TRMT10A: variants seen among roughly 807,000 people sequenced by gnomAD.
TRMT10A encodes tRNA methyltransferase 10 homolog A.
TRMT10A carries 37 observed loss-of-function variants against 40.4 expected under a neutral mutation model. The observed-to-expected ratio is 0.92, with a 90% CI of 0.71 to 1.21. The LOEUF (loss-of-function observed/expected upper bound fraction) is 1.21. TRMT10A is among the 50% of genes most tolerant of loss of function. The pLI is 0.00. For synonymous variants in TRMT10A, 103 were observed against 134.1 expected, an observed-to-expected ratio of 0.77 and a Z score of 1.60; for missense variants, 388 against 404.3, an observed-to-expected ratio of 0.96 and a Z score of 0.35.
In TRMT10A at chr4:99,546,842, C is replaced by T. The variant is rs1042563285; in HGVS notation, c.*2246G>A. The T allele has an allele frequency of 6.6e-6, 1 of 152,014 alleles. No individual in the cohort carries two copies. Among genetic ancestry groups the T allele is most frequent in the African/African-American group, 2.4e-5 (1 of 41,388 alleles). 9.4% of individuals were successfully genotyped at this position (152,014 alleles called of 1,614,324 possible). On this transcript the variant is annotated 3_prime_UTR_variant, in exon 8 of 8. Transcript: ENST00000394876. ...AAAACAATGTTGAGAGAAAAGTATA[C>T]ATGCAAATGAGCAAAAAGCTTAATA...
intron 1 of TRMT10A, among the ~76,000 whole-genome samples, chr4:99,562,031 C>T (rs567705806): frequency 2.7e-4 from 41 of 151,848 alleles, no homozygotes; most frequent in Non-Finnish European, 4.9e-4. Context: ...ATTAGCCAGG[C>T]GTGGTAGTGG....
chr4:99,556,538 C>CTT (rs67490132), intron 4 of TRMT10A, among the ~76,000 whole-genome samples: 4 of 151,766 alleles, frequency 2.6e-5, no homozygotes, highest in African/African-American at 4.8e-5. Context: ...TCCCACTCCT[C>CTT]TTTTTTTTAA....
rs747022504 is a variant in TRMT10A, at chr4:99,558,043, T to C, written c.348+6A>G. ...ACAAGATTTTTCTGACAATGATTCA[T>C]GATACCTTTAATACCATCAAGTGAT... On this transcript the variant is annotated splice_donor_region_variant and intron_variant, in intron 3 of 7. Transcript: ENST00000394876. 13 of 1,548,116 alleles carry C rather than the reference T, an allele frequency of 8.4e-6. No homozygotes were observed. The African/African-American group carries it at 1.6e-4, about 19-fold the overall frequency.
rs1724289555 is a variant in TRMT10A, at chr4:99,559,292, T to G, written c.47A>C (p.Asp16Ala). Residue 16 changes from aspartate (D) to alanine (A), a missense_variant, in exon 2 of 8, where the codon GAC (aspartate) becomes GCC (alanine). Coordinates refer to ENST00000394876, the MANE Select transcript of TRMT10A (RefSeq NM_001134665.3). ...LPAFIETSNV[D>A]KKQGINEDQE... ...ATCTTCATTTATGCCTTGCTTTTTGTCAACATTAGAAGTTTCAATAAATGC... is the reference window on the plus strand; with the variant it reads ...ATCTTCATTTATGCCTTGCTTTTTGGCAACATTAGAAGTTTCAATAAATGC... The G allele has an allele frequency of 1.2e-6, 2 of 1,613,252 alleles. No homozygotes were observed.
At chr4:99,560,207 T>G (rs574125819) in intron 1 of TRMT10A, among the ~76,000 whole-genome samples, 1 of 152,082 alleles carries the variant, frequency 6.6e-6, no homozygotes, top group East Asian at 1.9e-4. Flanking sequence ...TAAAATAAAT[T>G]TGGCTGAAAT....
rs1724286797 is a variant in TRMT10A at position 99,559,239 on chromosome 4, C to G, written c.100G>C (p.Gly34Arg). 6.2e-7 allele frequency: 1 copy of G among 1,613,564 alleles called. No individual in the cohort carries two copies. The highest frequency in any genetic ancestry group is 1.3e-5 in the African/African-American group (1 of 74,908). The change falls in exon 2 of 8, where the codon GGT (glycine) becomes CGT (arginine). Residue 34 changes from glycine (G) to arginine (R), a missense_variant. Transcript: ENST00000394876. ...TTAGATATTGGTTCACACCCTTCAC[C>G]TAATCTTGGCTTCTGGCTCTCCTCT... ...DQEESQKPRL[G>R]EGCEPISKRQ...
chr4:99,557,664 C>T (rs181865429), intron 3 of TRMT10A: 16 of 426,234 alleles, frequency 3.8e-5, no homozygotes, highest in Admixed American at 2.0e-4. Context: ...TTCATGAAAA[C>T]GGCTACTCTC....
At chr4:99,551,849 T>C (rs957373383) in intron 6 of TRMT10A, among the ~76,000 whole-genome samples, 3 of 151,992 alleles carry the variant, frequency 2.0e-5, no homozygotes, top group Middle Eastern at 6.8e-3. Flanking sequence ...TGACTCTATG[T>C]AGGCCTAGGC....
At position 99,549,058 on chromosome 4, in the gene TRMT10A, T is replaced by G; in HGVS notation, c.*30A>C. The G allele has an allele frequency of 6.2e-7, 1 of 1,605,038 alleles. No homozygotes were observed. The highest frequency in any genetic ancestry group is 8.5e-7 in the Non-Finnish European group (1 of 1,173,472). On this transcript the variant is annotated 3_prime_UTR_variant, in exon 8 of 8. Transcript: ENST00000394876. ...ATAGCACCTCACTTTCTCCTAATTT[T>G]TCCTTAAACTAAAAGGAAACCAGGT...
chr4:99,551,080 GTTCAGAGAATT>G, intron 6 of TRMT10A, 90 bp from the exon 7 acceptor site: 1 of 525,888 alleles, frequency 1.9e-6, no homozygotes, highest in South Asian at 4.0e-5. Flanking sequence ...AAGATTTATA[GTTCAGAGAATT>G]TATAGTTCAG....
chr4:99,561,783 T>A (rs1255327934), intron 1 of TRMT10A, among the ~76,000 whole-genome samples: 1 of 152,058 alleles, frequency 6.6e-6, no homozygotes, highest in East Asian at 1.9e-4. Context: ...CATGGCAGAG[T>A]TTTTCATTCC....
chr4:99,549,337 T>A lies in TRMT10A; in HGVS notation c.771A>T (p.Glu257Asp). ...CTTGCCAGTCTCTTGTTTCCAGGTA[T>A]TCCAGAATAATTTCAAACACTGCAA... ...AVNHVFEIILEYLETRDWQEA... is the reference protein window; with the variant it reads ...AVNHVFEIILDYLETRDWQEA... Residue 257 changes from glutamate to aspartate, a missense_variant, in exon 8 of 8, where the codon GAA becomes GAT. By Grantham distance (45) the Glu-to-Asp change is conservative. Transcript: ENST00000394876. 1 of 1,614,060 alleles carries A rather than the reference T, an allele frequency of 6.2e-7. No individual in the cohort carries two copies.
intron 1 of TRMT10A, among the ~76,000 whole-genome samples, chr4:99,560,904 C>T (rs910029541): frequency 6.6e-6 from 1 of 151,340 alleles, no homozygotes; most frequent in South Asian, 2.1e-4. Flanking sequence ...TCAGTTAGTT[C>T]TCTATTTTAT....
chr4:99,551,014 C>T (rs773745686), intron 6 of TRMT10A, 24 bp from the exon 7 acceptor site: 14 of 1,478,874 alleles, frequency 9.5e-6, no homozygotes, highest in African/African-American at 1.4e-5. Context: ...ACTATGACTT[C>T]GACAAGAACA....
Position 99,550,929 on chromosome 4 carries a change from T to C in TRMT10A, c.707A>G (p.Asn236Ser). 6.2e-7 allele frequency: 1 copy of C among 1,613,378 alleles called. No homozygotes were observed. The highest frequency in any genetic ancestry group is 1.1e-5 in the South Asian group (1 of 91,014). The change falls in exon 7 of 8, where the codon AAT becomes AGT. Residue 236 changes from asparagine (N) to serine (S), a missense_variant. By Grantham distance (46) the Asn-to-Ser change is conservative. Coordinates refer to ENST00000394876, the MANE Select transcript of TRMT10A (RefSeq NM_001134665.3). ...GINHAQLPLGNFVKMNSRKVL... is the reference protein window; with the variant it reads ...GINHAQLPLGSFVKMNSRKVL... ...TTTTCGACTATTCATCTTCACAAAATTTCCAAGTGGGAGCTGTGCATGATT... is the reference window on the plus strand; with the variant it reads ...TTTTCGACTATTCATCTTCACAAAACTTCCAAGTGGGAGCTGTGCATGATT...
At chr4:99,551,024 A>T in intron 6 of TRMT10A, 34 bp from the exon 7 acceptor site, 1 of 1,420,892 alleles carries the variant, frequency 7.0e-7, no homozygotes, top group Non-Finnish European at 9.7e-7. Context: ...CGACAAGAAC[A>T]TTAAATTATT....
intron 1 of TRMT10A, among the ~76,000 whole-genome samples, chr4:99,560,215 A>C (rs769858218): frequency 2.0e-4 from 31 of 152,290 alleles, no homozygotes; most frequent in Non-Finnish European, 4.3e-4. Context: ...ATTTGGCTGA[A>C]ATATTTCAGA....
At chr4:99,549,463 A>G (rs1723879845) in intron 7 of TRMT10A, 107 bp from the exon 8 acceptor site, 1 of 1,399,952 alleles carries the variant, frequency 7.1e-7, no homozygotes, top group Non-Finnish European at 9.7e-7. Flanking sequence ...AGTTTGTCCT[A>G]ATAACTACTT....
intron 6 of TRMT10A, among the ~76,000 whole-genome samples, chr4:99,553,087 C>T (rs571783793): frequency 2.4e-4 from 36 of 152,244 alleles, no homozygotes; most frequent in South Asian, 4.1e-4. Context: ...AGAGCTGCAA[C>T]TGTCCAATTG....
Sources: allele counts gnomAD v4.1 joint callset (sites outside exome capture counted in the v4.1 genomes callset), GRCh38; gene constraint gnomAD v4.1.1; transcripts MANE v1.5; gene names NCBI Gene and HGNC (gene_info 2026-07-23, HGNC 2026-07-21).